Variants in RGS7 observed in about 807,000 individuals in gnomAD.
RGS7 encodes the protein regulator of G protein signaling 7.
RGS7 carries 27 observed loss-of-function variants against 81.1 expected under a neutral mutation model. The ratio of observed to expected loss-of-function variants is 0.33; its 90% confidence interval spans 0.25 to 0.46. RGS7 has a LOEUF of 0.46. RGS7 is among the 20% of genes least tolerant of loss of function. The pLI, the probability that RGS7 is intolerant of heterozygous loss-of-function variation, is 1.00. For missense variants in RGS7, 396 were observed against 607.4 expected, an observed-to-expected ratio of 0.65 and a Z score of 3.66; for synonymous variants, 208 against 207.7, an observed-to-expected ratio of 1.00 and a Z score of -0.01.
intron 2 of RGS7, among the ~76,000 whole-genome samples, chr1:241,259,667 A>AAAAAAAATATATATATATATATATAT: frequency 4.1e-5 from 2 of 49,146 alleles, no homozygotes; most frequent in Non-Finnish European, 7.3e-5. Flanking sequence ...AAAAAAAAAA[A>AAAAAAAATATATATATATATATATAT]ATATATATAT....
intron 2 of RGS7, among the ~76,000 whole-genome samples, chr1:241,300,960 G>A (rs2079717568): frequency 6.6e-6 from 1 of 152,172 alleles, no homozygotes; most frequent in Admixed American, 6.5e-5. Context: ...ATTCTAATAG[G>A]TGTTAATGGT....
At chr1:240,910,447 G>A (rs1457764387) in intron 6 of RGS7, among the ~76,000 whole-genome samples, 1 of 152,202 alleles carries the variant, frequency 6.6e-6, no homozygotes, top group South Asian at 2.1e-4. Flanking sequence ...TAGGCAGGAG[G>A]AAGAGGGGTT....
At position 240,991,836 on chromosome 1, in the gene RGS7, GC is replaced by G. The variant is rs201250548; in HGVS notation, c.176-8708del. ...ATCAATTCCATATGCTAGCTGGTAG[GC>G]ATAAAGAAAATCCTAGTGGATCATT... On this transcript the variant is annotated intron_variant, in intron 3 of 18. Coordinates refer to ENST00000440928, the MANE Select transcript of RGS7 (RefSeq NM_001364886.1). Among the ~76,000 whole-genome samples the G allele has an allele frequency of 9.7e-3, 1,471 of 152,214 alleles. 10 individuals carry two copies. Among genetic ancestry groups the G allele is most frequent in the East Asian group, 0.019 (96 of 5,188 alleles).
intron 6 of RGS7, among the ~76,000 whole-genome samples, chr1:240,891,550 A>G (rs544003616): frequency 6.6e-6 from 1 of 152,268 alleles, no homozygotes; most frequent in African/African-American, 2.4e-5. Flanking sequence ...CAAACGTACA[A>G]TGTAATTTTA....
In RGS7 at chr1:241,086,823, T is replaced by C. The variant is rs376811409; in HGVS notation, c.175+11843A>G. On this transcript the variant is annotated intron_variant, in intron 3 of 18. Transcript: ENST00000440928. ...CTGTGCAAAGGTCACGCGACAATAT[T>C]TGGAGTTCCCAGAGCTCGCCAGACC... is the stretch of plus-strand genomic sequence containing the variant. 3.3e-5 allele frequency among the ~76,000 whole-genome samples: 5 copies of C among 152,228 alleles called. No homozygotes were observed. In the East Asian group the frequency reaches 7.7e-4, roughly 23 times the overall value.
intron 2 of RGS7, among the ~76,000 whole-genome samples, chr1:241,196,716 A>T (rs1234912352): frequency 6.6e-6 from 1 of 152,124 alleles, no homozygotes; most frequent in Non-Finnish European, 1.5e-5. Flanking sequence ...AAACAATAAT[A>T]CTAAAGTCTT....
chr1:241,091,194 G>T (rs1271145296), intron 3 of RGS7, among the ~76,000 whole-genome samples: 1 of 152,064 alleles, frequency 6.6e-6, no homozygotes, highest in Non-Finnish European at 1.5e-5. Context: ...CACATAGAAG[G>T]TTTCCAAATT....
chr1:241,093,441 A>T (rs2064022419), intron 3 of RGS7, among the ~76,000 whole-genome samples: 1 of 152,190 alleles, frequency 6.6e-6, no homozygotes, highest in Admixed American at 6.5e-5. Flanking sequence ...ATACTAGCCC[A>T]CAAAACCCAG....
chr1:240,951,102 C>T (rs1413547150), intron 4 of RGS7, among the ~76,000 whole-genome samples: 1 of 151,848 alleles, frequency 6.6e-6, no homozygotes, highest in Admixed American at 6.6e-5. Context: ...TTTTTATTTG[C>T]GGAGATGGGG....
intron 15 of RGS7, 99 bp from the exon 16 acceptor site, chr1:240,803,092 C>G: frequency 2.5e-6 from 2 of 803,070 alleles, no homozygotes; most frequent in South Asian, 2.8e-5. Flanking sequence ...CTAGTAGCAG[C>G]GAAAAATAGT....
chr1:241,264,808 C>T (rs2077500037), intron 2 of RGS7, among the ~76,000 whole-genome samples: 1 of 152,122 alleles, frequency 6.6e-6, no homozygotes, highest in Non-Finnish European at 1.5e-5. Flanking sequence ...CATAAACACA[C>T]CAACAGGTCA....
chr1:241,325,451 C>T (rs757310135), intron 2 of RGS7, among the ~76,000 whole-genome samples: 14 of 152,086 alleles, frequency 9.2e-5, no homozygotes, highest in Non-Finnish European at 1.5e-4. Flanking sequence ...TGAAAAATGA[C>T]CATAGGACGG....
At chr1:241,356,653 G>C (rs2148767700) in intron 1 of RGS7, among the ~76,000 whole-genome samples, 1 of 152,108 alleles carries the variant, frequency 6.6e-6, no homozygotes. Flanking sequence ...TCTCACGGCA[G>C]CAGCAAATGG....
At chr1:240,910,952 C>G (rs925425780) in intron 6 of RGS7, among the ~76,000 whole-genome samples, 1 of 152,102 alleles carries the variant, frequency 6.6e-6, no homozygotes, top group African/African-American at 2.4e-5. Flanking sequence ...ATCCACCTGC[C>G]TCGGCCTCCC....
At position 240,816,244 on chromosome 1, in the gene RGS7, TA is replaced by T. The variant is rs1197293249; in HGVS notation, c.783+72del. On this transcript the variant is annotated intron_variant, in intron 11 of 18. Coordinates refer to ENST00000440928, the MANE Select transcript of RGS7 (RefSeq NM_001364886.1). ...AATAACCTATAAAAATACCCACTAT[TA>T]ACATTTACCCTCTGGTTTTCATAGC... 5.7e-5 allele frequency: 54 copies of T among 940,714 alleles called. 1 individual carries two copies. Among genetic ancestry groups the T allele is most frequent in the Middle Eastern group, 2.1e-4 (1 of 4,776 alleles). The allele number at this position is 940,714 out of a possible 1,614,324, so 58.3% of individuals were successfully genotyped here. A position where few individuals can be genotyped will look rare whatever the true frequency, so the allele number is the denominator to read the frequency against.
intron 18 of RGS7, among the ~76,000 whole-genome samples, chr1:240,777,117 A>G (rs1168850952): frequency 6.6e-6 from 1 of 152,146 alleles, no homozygotes; most frequent in Non-Finnish European, 1.5e-5. Flanking sequence ...CAACATGGTG[A>G]AACTCCGTCT....
At chr1:240,843,887 C>A (rs1429543704) in intron 9 of RGS7, among the ~76,000 whole-genome samples, 1 of 105,304 alleles carries the variant, frequency 9.5e-6, no homozygotes, top group Non-Finnish European at 2.2e-5. Context: ...TGGGGAAAAG[C>A]AAATGAACAG....
chr1:241,017,478 T>A (rs1017439601), intron 3 of RGS7, among the ~76,000 whole-genome samples: 1 of 151,848 alleles, frequency 6.6e-6, no homozygotes, highest in African/African-American at 2.4e-5. Flanking sequence ...AGAAAATATT[T>A]AACTTTACCT....
chr1:241,179,639 C>T (rs959508362), intron 2 of RGS7, among the ~76,000 whole-genome samples: 1 of 152,152 alleles, frequency 6.6e-6, no homozygotes, highest in African/African-American at 2.4e-5. Context: ...CAACATGTGA[C>T]CTACAGTTTC....
Sources: allele counts gnomAD v4.1 joint callset (sites outside exome capture counted in the v4.1 genomes callset), GRCh38; gene constraint gnomAD v4.1.1; transcripts MANE v1.5; gene names NCBI Gene and HGNC (gene_info 2026-07-23, HGNC 2026-07-21).